The following TBXA2R variants were observed in gnomAD, a reference collection of about 807,000 sequenced individuals.
TBXA2R encodes the protein thromboxane A2 receptor, also known as prostanoid TP receptor.
TBXA2R carries 15 observed loss-of-function variants against 15.6 expected under a neutral mutation model. The ratio of observed to expected loss-of-function variants is 0.96; its 90% CI spans 0.64 to 1.48. The LOEUF is 1.48. Ranked by LOEUF, TBXA2R falls within the 40% of genes most tolerant of loss-of-function variation. TBXA2R has a pLI of 0.00. For missense variants in TBXA2R, 506 were observed against 491.4 expected, an observed-to-expected ratio of 1.03 and a Z score of -0.28; for synonymous variants, 280 against 241.2, an observed-to-expected ratio of 1.16 and a Z score of -1.49.
At chr19:3,599,777 G>A in intron 2 of TBXA2R, 72 bp downstream of exon 2, 1 of 1,545,554 alleles carries the variant, frequency 6.5e-7, no homozygotes, top group Non-Finnish European at 8.7e-7. Flanking sequence ...CCACCATCAG[G>A]ATCTAAATCC....
At chr19:3,596,055 G>T (rs1599869663) in intron 2 of TBXA2R, 122 bp from the exon 3 acceptor site, 1 of 1,257,664 alleles carries the variant, frequency 8.0e-7, no homozygotes, top group Non-Finnish European at 1.1e-6. Context: ...TTGAGACAGG[G>T]TCTCACTCTG....
Position 3,595,317 on chromosome 19 carries a change from T to C in TBXA2R, c.*371A>G. On this transcript the variant is annotated 3_prime_UTR_variant, in exon 3 of 3. Transcript: ENST00000375190. ...TCGCTTGAACCCGGGAGGTGGAGGT[T>C]GCAGTGAGCTGAGATTGCGCCACTG... 13 of 1,302,034 alleles carry C rather than the reference T, an allele frequency of 1.0e-5. No individual in the cohort carries two copies. The highest frequency in any genetic ancestry group is 1.3e-5 in the Non-Finnish European group (13 of 1,014,326). The allele number at this position is 1,302,034 out of a possible 1,614,324, so 80.7% of individuals were successfully genotyped here.
intron 1 of TBXA2R, among the ~76,000 whole-genome samples, chr19:3,603,443 G>A (rs1050574208): frequency 1.8e-4 from 28 of 152,178 alleles, no homozygotes; most frequent in African/African-American, 6.5e-4. Flanking sequence ...CCTCCACTCC[G>A]GGCTGCTTTG....
At chr19:3,603,354 G>T (rs1022794474) in intron 1 of TBXA2R, among the ~76,000 whole-genome samples, 7 of 152,250 alleles carry the variant, frequency 4.6e-5, no homozygotes, top group Admixed American at 2.6e-4. Context: ...GTGGTGGGAG[G>T]CAGGGCTTCC....
Position 3,594,968 on chromosome 19 carries a change from T to A in TBXA2R, c.*720A>T, listed in dbSNP as rs201500886. 1 of 1,532,500 alleles carries A rather than the reference T, an allele frequency of 6.5e-7. No homozygotes were observed. The allele number at this position is 1,532,500 out of a possible 1,614,324, so 94.9% of individuals were successfully genotyped here. A position where few individuals can be genotyped will look rare whatever the true frequency, so the allele number is the denominator to read the frequency against. On this transcript the variant is annotated 3_prime_UTR_variant, in exon 3 of 3. Coordinates refer to ENST00000375190, the MANE Select transcript of TBXA2R (RefSeq NM_001060.6). ...AGTGGCTTACGCCTGTAATCCCAGC[T>A]GCTCGGGAGGCTGAGGCACGAGAAT...
rs1434039088 is a variant in TBXA2R, at chr19:3,599,759, G to A, written c.786+90C>T. 5.9e-6 allele frequency: 9 copies of A among 1,530,508 alleles called. No individual in the cohort carries two copies. The Admixed American group carries it at 1.6e-4, about 27-fold the overall frequency. The allele number at this position is 1,530,508 out of a possible 1,614,324, so 94.8% of individuals were successfully genotyped here. On this transcript the variant is annotated intron_variant, in intron 2 of 2. Transcript: ENST00000375190. ...TGGGATTACCGGCGTGAGCCACCGCGCCCGGTCCCACCATCAGGATCTAAA... is the reference window on the plus strand; with the variant it reads ...TGGGATTACCGGCGTGAGCCACCGCACCCGGTCCCACCATCAGGATCTAAA...
chr19:3,605,011 A>G (rs1457681095), intron 1 of TBXA2R, among the ~76,000 whole-genome samples: 2 of 152,174 alleles, frequency 1.3e-5, no homozygotes, highest in Non-Finnish European at 2.9e-5. Flanking sequence ...ACCTCCCCTC[A>G]TCGCAAAGCT....
At chr19:3,596,293 G>A (rs2032603672) in intron 2 of TBXA2R, among the ~76,000 whole-genome samples, 1 of 152,172 alleles carries the variant, frequency 6.6e-6, no homozygotes, top group Admixed American at 6.5e-5. Flanking sequence ...GCCTCCCAGA[G>A]TGCTGGAATT....
chr19:3,605,538 C>G (rs1304695535), intron 1 of TBXA2R, among the ~76,000 whole-genome samples: 1 of 150,006 alleles, frequency 6.7e-6, no homozygotes, highest in East Asian at 2.0e-4. Context: ...ACACAGCAGA[C>G]AGATGCACAG....
intron 2 of TBXA2R, among the ~76,000 whole-genome samples, 185 bp downstream of exon 2, chr19:3,599,664 A>G (rs1365740718): frequency 9.2e-5 from 14 of 151,992 alleles, no homozygotes; most frequent in Admixed American, 6.6e-5. Context: ...ACAGGGTTTC[A>G]CCATGTTGGC....
intron 1 of TBXA2R, among the ~76,000 whole-genome samples, chr19:3,602,166 A>C (rs2145296321): frequency 6.6e-6 from 1 of 152,056 alleles, no homozygotes; most frequent in East Asian, 2.0e-4. Flanking sequence ...GCTTGCAGTG[A>C]GCTGAGATCG....
At position 3,600,517 on chromosome 19, in the gene TBXA2R, C is replaced by A. The variant is rs752572115; in HGVS notation, c.118G>T (p.Ala40Ser). ...ACGCTCAGGGCCAGCAGGTTGGAGG[C>A]CAGGCCCACCACGCAGAAGGAGGCG... Reference protein sequence around the residue: ...FAASFCVVGLASNLLALSVLA... With the variant: ...FAASFCVVGLSSNLLALSVLA... The change falls in exon 2 of 3, where the codon GCC (alanine) becomes TCC (serine). Residue 40 changes from alanine (A) to serine (S), a missense_variant. Physicochemically the swap from Ala to Ser is moderately conservative, Grantham distance 99. Transcript: ENST00000375190. 6.2e-7 allele frequency: 1 copy of A among 1,612,454 alleles called. No homozygotes were observed. The highest frequency in any genetic ancestry group is 1.1e-5 in the South Asian group (1 of 91,024).
chr19:3,600,058 C>A lies in TBXA2R; in HGVS notation c.577G>T (p.Asp193Tyr), dbSNP rs1389369123. Reference protein sequence around the residue: ...CFLTLGAESGDVAFGLLFSML... With the variant: ...CFLTLGAESGYVAFGLLFSML... ...GAGAAGAGCAGCCCGAAGGCCACGT[C>A]CCCGGACTCGGCGCCCAGCGTCAGG... The change falls in exon 2 of 3, where the codon GAC becomes TAC. Residue 193 changes from aspartate (D) to tyrosine (Y), a missense_variant. Asp to Tyr is a radical substitution (Grantham distance 160). Coordinates refer to ENST00000375190, the MANE Select transcript of TBXA2R (RefSeq NM_001060.6). 6.2e-7 allele frequency: 1 copy of A among 1,612,632 alleles called. No homozygotes were observed. Among genetic ancestry groups the A allele is most frequent in the Non-Finnish European group, 8.5e-7 (1 of 1,179,750 alleles).
intron 1 of TBXA2R, among the ~76,000 whole-genome samples, chr19:3,602,778 A>AAAAAG (rs2032762328): frequency 6.7e-6 from 1 of 150,024 alleles, no homozygotes; most frequent in South Asian, 2.1e-4. Flanking sequence ...AAAAAAAAAG[A>AAAAAG]AAAAGAAAAG....
At chr19:3,598,324 TTTTC>T (rs969856427) in intron 2 of TBXA2R, among the ~76,000 whole-genome samples, 20 of 151,072 alleles carry the variant, frequency 1.3e-4, no homozygotes, top group South Asian at 4.2e-4. Flanking sequence ...TTTTCTTTTC[TTTTC>T]TTTCTTTCTT....
chr19:3,605,035 C>CA (rs1434022629), intron 1 of TBXA2R, among the ~76,000 whole-genome samples: 1 of 152,250 alleles, frequency 6.6e-6, no homozygotes, highest in South Asian at 2.1e-4. Context: ...TTTCCGAGAA[C>CA]ATTTCCTGTT....
chr19:3,603,725 C>T (rs575316655), intron 1 of TBXA2R, among the ~76,000 whole-genome samples: 2 of 152,312 alleles, frequency 1.3e-5, no homozygotes, highest in Admixed American at 6.5e-5. Context: ...GCCCTTGGCC[C>T]AGGGGAGCCT....
intron 2 of TBXA2R, among the ~76,000 whole-genome samples, chr19:3,596,147 G>A (rs907261114): frequency 1.3e-5 from 2 of 152,170 alleles, no homozygotes; most frequent in African/African-American, 4.8e-5. Flanking sequence ...TCCTCCCTCA[G>A]CCTTCCAAGT....
In TBXA2R at chr19:3,600,263, G is replaced by A. The variant is rs937641287; in HGVS notation, c.372C>T (p.Ala124=). 5.0e-6 allele frequency: 8 copies of A among 1,612,306 alleles called. No individual in the cohort carries two copies. The highest frequency in any genetic ancestry group is 5.9e-6 in the Non-Finnish European group (7 of 1,179,642). ...CCAGGTAGCGCTCTGAGGCCATGGC[G>A]GCCCCCAGCAGCAGCGGGGACAGGC... ...FFGLSPLLLG[A]AMASERYLGI... is the part of the protein sequence containing the mutation. Residue 124 remains alanine, a synonymous_variant, in exon 2 of 3, where the codon GCC becomes GCT. Coordinates refer to ENST00000375190, the MANE Select transcript of TBXA2R (RefSeq NM_001060.6).
Sources: gnomAD v4.1 joint callset for allele counts (sites outside exome capture counted in the v4.1 genomes callset) on GRCh38, gnomAD v4.1.1 for gene constraint, MANE v1.5 for transcripts, NCBI Gene and HGNC (gene_info 2026-07-23, HGNC 2026-07-21) for gene names.